The following CCDC60 variants were observed in gnomAD, a reference collection of about 807,000 sequenced individuals.
CCDC60 encodes coiled-coil domain-containing protein 60.
In CCDC60, 54 loss-of-function variants were observed where a neutral mutation model predicts 63.5. That is an observed-to-expected ratio of 0.85 (90% CI 0.68 to 1.07). CCDC60 has a LOEUF of 1.07. Ranked by LOEUF, CCDC60 falls within the 50% of genes least tolerant of loss-of-function variation. CCDC60 has a pLI of 0.00. For synonymous variants in CCDC60, 206 were observed against 238.8 expected, an observed-to-expected ratio of 0.86 and a Z score of 1.27; for missense variants, 651 against 684.3, an observed-to-expected ratio of 0.95 and a Z score of 0.54.
chr12:119,418,044 T>G (rs1284601317), intron 1 of CCDC60, among the ~76,000 whole-genome samples: 1 of 152,166 alleles, frequency 6.6e-6, no homozygotes, highest in East Asian at 1.9e-4. Flanking sequence ...CTACAGAAAG[T>G]TTGCAAAAAT....
chr12:119,388,053 G>A (rs184484456), intron 1 of CCDC60: 1 of 152,286 alleles, frequency 6.6e-6, no homozygotes, highest in African/African-American at 2.4e-5. Context: ...GCAGCACAAA[G>A]GTGGTTAATT....
chr12:119,354,100 TTTC>T (rs1453998568), intron 1 of CCDC60, among the ~76,000 whole-genome samples: 1 of 151,790 alleles, frequency 6.6e-6, no homozygotes, highest in Non-Finnish European at 1.5e-5. Context: ...ACCTCTTTCC[TTTC>T]TTCTCCATTT....
intron 7 of CCDC60, among the ~76,000 whole-genome samples, chr12:119,507,507 CAT>C (rs539822535): frequency 2.4e-3 from 299 of 122,158 alleles, no homozygotes; most frequent in Middle Eastern, 4.2e-3. Context: ...TATATACACA[CAT>C]ATATATACAT....
intron 1 of CCDC60, among the ~76,000 whole-genome samples, chr12:119,353,504 CTCTG>C (rs1565967289): frequency 2.0e-5 from 3 of 151,738 alleles, no homozygotes; most frequent in Admixed American, 6.6e-5. Context: ...CTCTCTGTCT[CTCTG>C]TCTGTATTTC....
chr12:119,505,014 C>A, intron 6 of CCDC60, 55 bp from the exon 7 acceptor site: 2 of 1,346,734 alleles, frequency 1.5e-6, no homozygotes, highest in Non-Finnish European at 1.0e-6. Flanking sequence ...TTCTTTCTTT[C>A]TTCCATCTTT....
intron 7 of CCDC60, among the ~76,000 whole-genome samples, chr12:119,507,614 A>ATATTTTT (rs1368858215): frequency 3.2e-4 from 16 of 50,498 alleles, no homozygotes; most frequent in Non-Finnish European, 4.3e-4. Flanking sequence ...ATATATATAT[A>ATATTTTT]TTTTTTTTTT....
chr12:119,396,166 G>T (rs561772947), intron 1 of CCDC60, among the ~76,000 whole-genome samples: 2 of 152,172 alleles, frequency 1.3e-5, no homozygotes, highest in South Asian at 4.2e-4. Context: ...TCGAACTCCT[G>T]ACCTCAAGTG....
intron 1 of CCDC60, among the ~76,000 whole-genome samples, chr12:119,414,204 A>G (rs1285783124): frequency 6.6e-6 from 1 of 152,110 alleles, no homozygotes; most frequent in Non-Finnish European, 1.5e-5. Flanking sequence ...TTTGTAGAAG[A>G]GAGGGGATTT....
At chr12:119,403,355 GA>G (rs1956428144) in intron 1 of CCDC60, among the ~76,000 whole-genome samples, 1 of 152,182 alleles carries the variant, frequency 6.6e-6, no homozygotes, top group African/African-American at 2.4e-5. Flanking sequence ...CTCCCATGGG[GA>G]GTTGACTGGA....
At chr12:119,523,276 G>A (rs772500453) in intron 10 of CCDC60, among the ~76,000 whole-genome samples, 1 of 152,220 alleles carries the variant, frequency 6.6e-6, no homozygotes, top group African/African-American at 2.4e-5. Context: ...CCAATCCTAT[G>A]AGGCAGGAGG....
intron 6 of CCDC60, among the ~76,000 whole-genome samples, chr12:119,504,689 C>T (rs1027376450): frequency 3.9e-5 from 6 of 152,202 alleles, no homozygotes; most frequent in Non-Finnish European, 5.9e-5. Flanking sequence ...TCCTCATACA[C>T]AGTTTGAAAA....
At chr12:119,380,252 A>G (rs965181672) in intron 1 of CCDC60, among the ~76,000 whole-genome samples, 4 of 152,356 alleles carry the variant, frequency 2.6e-5, no homozygotes, top group African/African-American at 9.6e-5. Context: ...AGCAGCTCAT[A>G]CTGAACCTAT....
At chr12:119,411,305 C>T (rs551337105) in intron 1 of CCDC60, among the ~76,000 whole-genome samples, 3 of 152,056 alleles carry the variant, frequency 2.0e-5, no homozygotes, top group African/African-American at 7.2e-5. Context: ...CACATAGAAC[C>T]ATCAGGATGG....
At chr12:119,412,027 A>G (rs945607313) in intron 1 of CCDC60, among the ~76,000 whole-genome samples, 3 of 152,144 alleles carry the variant, frequency 2.0e-5, no homozygotes, top group Non-Finnish European at 4.4e-5. Flanking sequence ...CTCCTAATAG[A>G]TATTTAAGAA....
chr12:119,516,979 C>T (rs1014220572), intron 8 of CCDC60, among the ~76,000 whole-genome samples: 1 of 152,020 alleles, frequency 6.6e-6, no homozygotes, highest in Non-Finnish European at 1.5e-5. Context: ...TAATCTAGAC[C>T]TTTCTTACCA....
In CCDC60 at chr12:119,381,388, A is replaced by G. The variant is rs557004919; in HGVS notation, c.90+46122A>G. 1.0e-3 allele frequency among the ~76,000 whole-genome samples: 157 copies of G among 152,232 alleles called. 1 individual carries two copies. The highest frequency in any genetic ancestry group is 3.7e-3 in the African/African-American group (152 of 41,546). On this transcript the variant is annotated intron_variant, in intron 1 of 13. Coordinates refer to ENST00000327554, the MANE Select transcript of CCDC60 (RefSeq NM_178499.5). ...CGAATTCTGTCCTTGGTGTGTCAAC[A>G]TTTCTCCAATTGAAGCTGTTCTCCC...
Position 119,335,059 on chromosome 12 carries a change from G to T in CCDC60, c.-118G>T. ...AACCGCTTTGGAGTTCGTGTAATTG[G>T]GACTTGGGGATCAGGGAGAAGTTGC... On this transcript the variant is annotated 5_prime_UTR_variant, in exon 1 of 14. Coordinates refer to ENST00000327554, the MANE Select transcript of CCDC60 (RefSeq NM_178499.5). 2 of 737,810 alleles carry T rather than the reference G, an allele frequency of 2.7e-6. No homozygotes were observed. The highest frequency in any genetic ancestry group is 4.5e-6 in the Non-Finnish European group (2 of 442,024). 45.7% of individuals were successfully genotyped at this position (737,810 alleles called of 1,614,324 possible).
chr12:119,383,210 A>G (rs1956026073), intron 1 of CCDC60, among the ~76,000 whole-genome samples: 1 of 152,220 alleles, frequency 6.6e-6, no homozygotes, highest in South Asian at 2.1e-4. Flanking sequence ...GGAGTTCAAG[A>G]CCAACCTGGG....
chr12:119,466,875 A>G lies in CCDC60; in HGVS notation c.171-5119A>G, dbSNP rs572806077. ...AGAGGTGGGCCTTGGACACCAGACC[A>G]AAGTGAGAACTAGCTAAAACAGGGA... On this transcript the variant is annotated intron_variant, in intron 2 of 13. Transcript: ENST00000327554. Among the ~76,000 whole-genome samples the G allele has an allele frequency of 9.2e-5, 14 of 152,234 alleles. No homozygotes were observed. In the East Asian group the frequency reaches 1.9e-3, roughly 21 times the overall value.
Sources: gnomAD v4.1 joint callset for allele counts (sites outside exome capture counted in the v4.1 genomes callset) on GRCh38, gnomAD v4.1.1 for gene constraint, MANE v1.5 for transcripts, NCBI Gene and HGNC (gene_info 2026-07-23, HGNC 2026-07-21) for gene names.